The following KCNMB2 variants were observed in gnomAD, a reference collection of about 807,000 sequenced individuals.
KCNMB2 encodes the protein calcium-activated potassium channel subunit beta-2.
A neutral mutation model predicts 24.5 loss-of-function variants in KCNMB2; 9 were observed. That is an observed-to-expected ratio of 0.37 (90% confidence interval 0.22 to 0.64). KCNMB2 has a LOEUF of 0.64. KCNMB2 is among the 30% of genes least tolerant of loss of function. KCNMB2 has a pLI of 0.63. For missense variants in KCNMB2, 226 were observed against 284.3 expected, an observed-to-expected ratio of 0.79 and a Z score of 1.47; for synonymous variants, 109 against 104.4, an observed-to-expected ratio of 1.04 and a Z score of -0.27.
chr3:178,752,152 C>T (rs766734436), intron 1 of KCNMB2, among the ~76,000 whole-genome samples: 7 of 152,074 alleles, frequency 4.6e-5, no homozygotes, highest in Non-Finnish European at 7.4e-5. Flanking sequence ...TTCTAAAGTT[C>T]GAGGAGCTTC....
chr3:178,628,856 A>G (rs923590111), intron 1 of KCNMB2, among the ~76,000 whole-genome samples: 24 of 152,170 alleles, frequency 1.6e-4, no homozygotes, highest in Admixed American at 4.6e-4. Flanking sequence ...TATTATAGCC[A>G]TTATATTTAT....
chr3:178,597,107 C>T (rs559802885), intron 1 of KCNMB2, among the ~76,000 whole-genome samples: 2 of 152,194 alleles, frequency 1.3e-5, no homozygotes, highest in African/African-American at 4.8e-5. Context: ...TGCACAGTCT[C>T]GAGCTACCTG....
intron 1 of KCNMB2, among the ~76,000 whole-genome samples, chr3:178,605,485 C>T (rs778927889): frequency 1.4e-4 from 22 of 152,086 alleles, no homozygotes; most frequent in Non-Finnish European, 4.4e-5. Context: ...AGGGTGGAGG[C>T]TGAAAGAGTT....
intron 1 of KCNMB2, among the ~76,000 whole-genome samples, chr3:178,615,692 G>C (rs927807264): frequency 1.3e-5 from 2 of 152,164 alleles, no homozygotes; most frequent in Non-Finnish European, 2.9e-5. Context: ...GCTGGCCTAG[G>C]GCAGGTCCAG....
At chr3:178,757,840 G>GATATAT (rs376531970) in intron 1 of KCNMB2, among the ~76,000 whole-genome samples, 141 of 13,944 alleles carry the variant, frequency 0.01, 26 homozygotes, top group African/African-American at 0.079. Flanking sequence ...CATCCAAGAG[G>GATATAT]ATATATATAT....
chr3:178,840,932 G>C (rs116027220), intron 4 of KCNMB2, among the ~76,000 whole-genome samples: 29 of 152,198 alleles, frequency 1.9e-4, no homozygotes, highest in Non-Finnish European at 3.7e-4. Flanking sequence ...CCCAGAAAAT[G>C]GGTTTTTCTT....
chr3:178,818,520 C>A (rs1217068698), intron 2 of KCNMB2, among the ~76,000 whole-genome samples: 1 of 152,142 alleles, frequency 6.6e-6, no homozygotes, highest in African/African-American at 2.4e-5. Flanking sequence ...TGAGAACATG[C>A]GGTGTTTGGT....
intron 1 of KCNMB2, among the ~76,000 whole-genome samples, chr3:178,780,689 G>T (rs191386678): frequency 6.6e-6 from 1 of 152,094 alleles, no homozygotes; most frequent in African/African-American, 2.4e-5. Flanking sequence ...TTTGAATCCC[G>T]TATCTACTAC....
chr3:178,606,125 G>A lies in KCNMB2; in HGVS notation c.-68+69414G>A, dbSNP rs529509357. ...GAAGGGAGGCTGTCAGACTTCTTAC[G>A]TCTTATAGGACAGGACCAATCTTAT... On this transcript the variant is annotated intron_variant, in intron 1 of 4. Transcript: ENST00000452583. 3.7e-4 allele frequency among the ~76,000 whole-genome samples: 57 copies of A among 152,286 alleles called. 1 individual carries two copies. The highest frequency in any genetic ancestry group is 1.3e-3 in the African/African-American group (53 of 41,556).
intron 1 of KCNMB2, among the ~76,000 whole-genome samples, chr3:178,547,051 G>GT (rs1243967930): frequency 2.0e-5 from 3 of 152,208 alleles, no homozygotes; most frequent in African/African-American, 7.2e-5. Context: ...GGACCTTTAG[G>GT]TGAGCAGGTC....
intron 1 of KCNMB2, among the ~76,000 whole-genome samples, chr3:178,763,766 C>T (rs1466843565): frequency 6.6e-6 from 1 of 152,078 alleles, no homozygotes; most frequent in Non-Finnish European, 1.5e-5. Flanking sequence ...AGTGGTAGAA[C>T]AAATAATCTT....
At chr3:178,758,728 C>A (rs1233004965) in intron 1 of KCNMB2, among the ~76,000 whole-genome samples, 3 of 49,802 alleles carry the variant, frequency 6.0e-5, no homozygotes, top group Non-Finnish European at 7.2e-5. Flanking sequence ...ATATATATAT[C>A]TCCAAGAGGA....
intron 1 of KCNMB2, among the ~76,000 whole-genome samples, chr3:178,626,807 GTTAAC>G (rs780682297): frequency 4.6e-5 from 7 of 150,630 alleles, no homozygotes; most frequent in East Asian, 3.9e-4. Context: ...ACTAAAACTT[GTTAAC>G]TTAACTATAC....
chr3:178,625,876 A>G (rs1006725934), intron 1 of KCNMB2, among the ~76,000 whole-genome samples: 1 of 152,230 alleles, frequency 6.6e-6, no homozygotes, highest in South Asian at 2.1e-4. Flanking sequence ...GGCAAAAAGT[A>G]AAACTTTGAC....
chr3:178,745,009 T>G (rs185898947), intron 1 of KCNMB2, among the ~76,000 whole-genome samples: 1 of 152,226 alleles, frequency 6.6e-6, no homozygotes, highest in East Asian at 1.9e-4. Flanking sequence ...AATAAACCTG[T>G]ATGTGCCTCA....
intron 1 of KCNMB2, among the ~76,000 whole-genome samples, chr3:178,619,516 T>C (rs1226041945): frequency 6.6e-6 from 1 of 152,076 alleles, no homozygotes; most frequent in African/African-American, 2.4e-5. Flanking sequence ...TTTGGAGTAA[T>C]TGGATAAAAT....
chr3:178,547,125 G>A (rs1715799979), intron 1 of KCNMB2, among the ~76,000 whole-genome samples: 1 of 152,134 alleles, frequency 6.6e-6, no homozygotes, highest in Non-Finnish European at 1.5e-5. Context: ...AGTTATTGTG[G>A]AAGTGGGTCC....
intron 2 of KCNMB2, among the ~76,000 whole-genome samples, chr3:178,807,923 A>G (rs1714040235): frequency 6.6e-6 from 1 of 151,436 alleles, no homozygotes; most frequent in African/African-American, 2.4e-5. Flanking sequence ...AAAATATAAT[A>G]TAATTAATAA....
intron 1 of KCNMB2, among the ~76,000 whole-genome samples, chr3:178,610,656 CA>C (rs903472494): frequency 6.6e-6 from 1 of 152,156 alleles, no homozygotes; most frequent in African/African-American, 2.4e-5. Flanking sequence ...TGTGGAGTCT[CA>C]AAGTTTTTCC....
Sources: gnomAD v4.1 joint callset for allele counts (sites outside exome capture counted in the v4.1 genomes callset) on GRCh38, gnomAD v4.1.1 for gene constraint, MANE v1.5 for transcripts, NCBI Gene and HGNC (gene_info 2026-07-23, HGNC 2026-07-21) for gene names.